Variants in ADRA1B observed in about 807,000 individuals in gnomAD.
ADRA1B encodes adrenoceptor alpha 1B, also known as alpha-1B adrenergic receptor.
Under a neutral mutation model 17.9 loss-of-function variants are expected in ADRA1B, and 17 were observed. That is an observed-to-expected ratio of 0.95 (90% confidence interval 0.65 to 1.42). The LOEUF is 1.42. ADRA1B is among the 40% of genes most tolerant of loss of function. ADRA1B has a pLI of 0.00. For synonymous variants in ADRA1B, 366 were observed against 327.6 expected (o/e 1.12, Z -1.27); for missense variants, 681 against 722.1 (o/e 0.94, Z 0.65).
intron 1 of ADRA1B, among the ~76,000 whole-genome samples, chr5:159,896,743 C>T (rs114867711): frequency 0.029 from 4,472 of 152,290 alleles, 78 homozygotes; most frequent in Middle Eastern, 0.071. Flanking sequence ...AATGTAACAA[C>T]CCCCTTGACA....
chr5:159,883,316 T>A (rs1381381171), intron 1 of ADRA1B, among the ~76,000 whole-genome samples: 1 of 152,236 alleles, frequency 6.6e-6, no homozygotes. Context: ...CATGTAATTT[T>A]TTTACCATGT....
chr5:159,953,026 G>T (rs1755475874), intron 1 of ADRA1B, among the ~76,000 whole-genome samples: 1 of 152,198 alleles, frequency 6.6e-6, no homozygotes, highest in South Asian at 2.1e-4. Context: ...CTCAAAACAT[G>T]TGAATATGGA....
chr5:159,958,124 G>T (rs1157172110), intron 1 of ADRA1B, among the ~76,000 whole-genome samples: 1 of 151,764 alleles, frequency 6.6e-6, no homozygotes, highest in Admixed American at 6.6e-5. Flanking sequence ...TGCTTAAAAT[G>T]GTCTTTCTTA....
At chr5:159,923,225 T>C (rs1239705762) in intron 1 of ADRA1B, among the ~76,000 whole-genome samples, 1 of 152,282 alleles carries the variant, frequency 6.6e-6, no homozygotes, top group Non-Finnish European at 1.5e-5. Context: ...TTAAGGACTT[T>C]AGATTTTTAT....
the ADRA1B span, among the ~76,000 whole-genome samples, chr5:159,987,196 G>C: frequency 6.6e-6 from 1 of 152,258 alleles, no homozygotes; most frequent in Admixed American, 6.5e-5. Flanking sequence ...ATCACGCGTA[G>C]AGGTTTCAGT....
chr5:159,902,372 T>C (rs2079149937), intron 1 of ADRA1B, among the ~76,000 whole-genome samples: 1 of 152,120 alleles, frequency 6.6e-6, no homozygotes, highest in Non-Finnish European at 1.5e-5. Flanking sequence ...TTCATTCATG[T>C]AAGATGAACA....
intron 1 of ADRA1B, among the ~76,000 whole-genome samples, chr5:159,924,499 G>A (rs890255360): frequency 6.6e-6 from 1 of 152,152 alleles, no homozygotes; most frequent in Admixed American, 6.5e-5. Flanking sequence ...AAGGAAGGAG[G>A]GCTGGGTGAA....
At chr5:159,911,332 G>A (rs1338802200) in intron 1 of ADRA1B, among the ~76,000 whole-genome samples, 3 of 152,180 alleles carry the variant, frequency 2.0e-5, no homozygotes, top group Non-Finnish European at 4.4e-5. Context: ...AGAATAGCAC[G>A]AAGGCATAAG....
intron 1 of ADRA1B, among the ~76,000 whole-genome samples, chr5:159,875,508 T>C (rs144341475): frequency 4.6e-5 from 7 of 152,314 alleles, no homozygotes; most frequent in East Asian, 1.9e-4. Context: ...TTGGTTCATA[T>C]ACAGTATCTT....
intron 1 of ADRA1B, among the ~76,000 whole-genome samples, chr5:159,945,813 T>G (rs534127139): frequency 4.0e-5 from 6 of 151,702 alleles, no homozygotes; most frequent in Non-Finnish European, 8.8e-5. Context: ...AGTGGCGCGA[T>G]CTCGGCTCAC....
chr5:159,888,025 T>G (rs1227312885), intron 1 of ADRA1B: 2 of 152,140 alleles, frequency 1.3e-5, no homozygotes, highest in Non-Finnish European at 2.9e-5. Context: ...CACTCCTGAT[T>G]GAACCCATTT....
chr5:159,960,220 A>T (rs1755642328), intron 1 of ADRA1B, among the ~76,000 whole-genome samples: 1 of 152,232 alleles, frequency 6.6e-6, no homozygotes, highest in Admixed American at 6.5e-5. Context: ...CCTGGAAAGG[A>T]TGGAGAGAAA....
At chr5:159,971,826 C>G in intron 1 of ADRA1B, 53 bp from the exon 2 acceptor site, 1 of 1,309,854 alleles carries the variant, frequency 7.6e-7, no homozygotes, top group African/African-American at 1.5e-5. Flanking sequence ...GAGAGCTTGA[C>G]TACTCACAAA....
In ADRA1B at chr5:159,957,521, A is replaced by G. The variant is rs1207509523; in HGVS notation, c.950-14358A>G. ...GACTCTGTCTCAAAAAAAAAAAAAA[A>G]AAAATTATATTTTTCATTAATTCAT... is the stretch of plus-strand genomic sequence containing the variant. On this transcript the variant is annotated intron_variant, in intron 1 of 1. Coordinates refer to ENST00000306675, the MANE Select transcript of ADRA1B (RefSeq NM_000679.4). 3.3e-5 allele frequency among the ~76,000 whole-genome samples: 5 copies of G among 152,068 alleles called. No homozygotes were observed. The East Asian group carries it at 5.8e-4, about 18-fold the overall frequency.
At chr5:159,925,710 C>T (rs1293727009) in intron 1 of ADRA1B, among the ~76,000 whole-genome samples, 1 of 152,192 alleles carries the variant, frequency 6.6e-6, no homozygotes, top group Non-Finnish European at 1.5e-5. Flanking sequence ...AAACCACATA[C>T]GTATATTCAA....
At position 159,906,466 on chromosome 5, in the gene ADRA1B, A is replaced by G. The variant is rs938812124; in HGVS notation, c.-255-9653A>G. ...GTTTCTCAAAATGTAGTCTTCTGCAATCAAATCATTGGGTTACTTACAAAA... is the reference window on the plus strand; with the variant it reads ...GTTTCTCAAAATGTAGTCTTCTGCAGTCAAATCATTGGGTTACTTACAAAA... On this transcript the variant is annotated intron_variant, in intron 1 of 2. Transcript: ENST00000641205. 2.6e-5 allele frequency among the ~76,000 whole-genome samples: 4 copies of G among 152,222 alleles called. No individual in the cohort carries two copies. The South Asian group carries it at 8.3e-4, about 32-fold the overall frequency.
intron 1 of ADRA1B, among the ~76,000 whole-genome samples, chr5:159,905,564 G>C (rs1015369758): frequency 6.6e-6 from 1 of 152,210 alleles, no homozygotes; most frequent in Non-Finnish European, 1.5e-5. Context: ...ATTAGACAAT[G>C]CACTAGTCCC....
intron 1 of ADRA1B, among the ~76,000 whole-genome samples, chr5:159,879,573 G>T (rs1016680512): frequency 6.6e-6 from 1 of 152,128 alleles, no homozygotes; most frequent in Non-Finnish European, 1.5e-5. Context: ...TTATGGGGAG[G>T]GGGGAGTGAA....
Position 159,972,090 on chromosome 5 carries a change from C to T in ADRA1B, c.1161C>T (p.Thr387=), listed in dbSNP as rs1164365649. 7.7e-7 allele frequency: 1 copy of T among 1,295,192 alleles called. No homozygotes were observed. Among genetic ancestry groups the T allele is most frequent in the East Asian group, 3.3e-5 (1 of 30,328 alleles). The allele number at this position is 1,295,192 out of a possible 1,614,324, so 80.2% of individuals were successfully genotyped here. The stretch of plus-strand genomic sequence containing the variant: ...GTCGCCTGGGCGGCTGCGCCTACAC[C>T]TACCGGCCGTGGACGCGCGGCGGCT... The part of the protein sequence containing the change: ...RRRRLGGCAY[T]YRPWTRGGSL... The change falls in exon 2 of 2, where the codon ACC becomes ACT. Residue 387 remains threonine, a synonymous_variant. Coordinates refer to ENST00000306675, the MANE Select transcript of ADRA1B (RefSeq NM_000679.4).
Sources: allele counts gnomAD v4.1 joint callset (sites outside exome capture counted in the v4.1 genomes callset), GRCh38; gene constraint gnomAD v4.1.1; transcripts MANE v1.5; gene names NCBI Gene and HGNC (gene_info 2026-07-23, HGNC 2026-07-21).